Variants in CCNJ observed in about 807,000 individuals in gnomAD.
The protein encoded by CCNJ is cyclin-J.
In CCNJ, 12 loss-of-function variants were observed where a neutral mutation model predicts 41.4. The observed-to-expected ratio is 0.29, with a 90% CI of 0.19 to 0.47. The LOEUF (loss-of-function observed/expected upper bound fraction) is 0.47, where lower values mean the gene tolerates loss of function less well. Ranked by LOEUF, CCNJ falls within the 20% of genes least tolerant of loss-of-function variation. The pLI, the probability that CCNJ is intolerant of heterozygous loss-of-function variation, is 1.00. For missense variants in CCNJ, 340 were observed against 464.6 expected (o/e 0.73, Z 2.47); for synonymous variants, 161 against 173.4 (o/e 0.93, Z 0.56).
rs2142074112 is a variant in CCNJ, at chr10:96,058,432, T to C, written c.*191T>C. On this transcript the variant is annotated 3_prime_UTR_variant, in exon 6 of 6. Coordinates refer to ENST00000465148, the MANE Select transcript of CCNJ (RefSeq NM_001134375.2). The stretch of plus-strand genomic sequence containing the variant: ...TGGGAGACTAAGCAAATTAACAGTA[T>C]GTCAAATTCTGTTACAACAAATCCC... 2 of 549,592 alleles carry C rather than the reference T, an allele frequency of 3.6e-6. No individual in the cohort carries two copies. The highest frequency in any genetic ancestry group is 5.5e-5 in the South Asian group (2 of 36,656). The allele number at this position is 549,592 out of a possible 1,614,324, so 34.0% of individuals were successfully genotyped here. A position where few individuals can be genotyped will look rare whatever the true frequency, so the allele number is the denominator to read the frequency against.
At position 96,050,477 on chromosome 10, in the gene CCNJ, A is replaced by C; in HGVS notation, c.280+11A>C. 6.3e-7 allele frequency: 1 copy of C among 1,596,942 alleles called. No homozygotes were observed. The highest frequency in any genetic ancestry group is 1.1e-5 in the South Asian group (1 of 90,726). ...GCCTGCTTCTAGCAAGTAAGTATGA[A>C]TCTGATTTACATGACTGGAAATTTC... On this transcript the variant is annotated intron_variant, in intron 3 of 5. Coordinates refer to ENST00000465148, the MANE Select transcript of CCNJ (RefSeq NM_001134375.2).
chr10:96,057,942 T>C lies in CCNJ; in HGVS notation c.853T>C (p.Phe285Leu). 2.5e-6 allele frequency: 4 copies of C among 1,614,228 alleles called. No homozygotes were observed. The highest frequency in any genetic ancestry group is 3.4e-6 in the Non-Finnish European group (4 of 1,180,032). ...TASQPSRPVH[F>L]QQPQYLHQTH... Reference sequence around the variant, plus strand: ...CTCCCAGCCATCACGGCCAGTTCACTTTCAGCAACCTCAGTATCTCCATCA... The same window carrying C: ...CTCCCAGCCATCACGGCCAGTTCACCTTCAGCAACCTCAGTATCTCCATCA... The change falls in exon 6 of 6, where the codon TTT becomes CTT. Residue 285 changes from phenylalanine (F) to leucine (L), a missense_variant. By Grantham distance (22) the Phe-to-Leu change is conservative (BLOSUM62 0). Around this residue, in one of 3 missense-constraint regions of CCNJ, gnomAD observed 159 missense variants for 168.2 expected, o/e 0.95. Transcript: ENST00000465148.
rs1294682947 is a variant in CCNJ at position 96,057,879 on chromosome 10, G to A, written c.790G>A (p.Gly264Arg). 1.2e-6 allele frequency: 2 copies of A among 1,614,044 alleles called. No individual in the cohort carries two copies. Residue 264 changes from glycine (G) to arginine (R), a missense_variant, in exon 6 of 6, where the codon GGA (glycine) becomes AGA (arginine). Gly to Arg is a moderately radical substitution (Grantham distance 125, BLOSUM62 -2). This residue lies in a region of CCNJ where 159 missense variants were observed against 168.2 expected (regional missense o/e 0.95). Transcript: ENST00000465148. ...KEANKQRGQA[G>R]PQSAQLSVFQ... is the part of the protein sequence containing the mutation. Reference sequence around the variant, plus strand: ...AGCAAACAAACAGAGAGGGCAAGCAGGACCTCAGTCAGCGCAACTAAGTGT... The same window carrying A: ...AGCAAACAAACAGAGAGGGCAAGCAAGACCTCAGTCAGCGCAACTAAGTGT...
Position 96,043,732 on chromosome 10 carries a change from G to C in CCNJ, c.-42+13G>C, listed in dbSNP as rs2080276633. ...GCCGCGGTTCCGGGTAAGGGAGCCAGCGTGGGGCCGGGCGGCCCGGCAGGC... is the reference window on the plus strand; with the variant it reads ...GCCGCGGTTCCGGGTAAGGGAGCCACCGTGGGGCCGGGCGGCCCGGCAGGC... On this transcript the variant is annotated intron_variant, in intron 1 of 5. Coordinates refer to ENST00000465148, the MANE Select transcript of CCNJ (RefSeq NM_001134375.2). 7.7e-6 allele frequency: 3 copies of C among 390,814 alleles called. No homozygotes were observed. In the East Asian group the frequency reaches 1.1e-4, roughly 14 times the overall value. The allele number at this position is 390,814 out of a possible 1,614,324, so 24.2% of individuals were successfully genotyped here.
In CCNJ at chr10:96,057,844, A is replaced by C; in HGVS notation, c.755A>C (p.Asp252Ala). Residue 252 changes from aspartate (D) to alanine (A), a missense_variant, in exon 6 of 6, where the codon GAT becomes GCT. Transcript: ENST00000465148. ...IERLLIAHDNDVKEANKQRGQ... is the reference protein window; with the variant it reads ...IERLLIAHDNAVKEANKQRGQ... ...CCACGTTTCAGCGCTCATGATAATG[A>C]TGTGAAAGAAGCAAACAAACAGAGA... 2 of 1,613,866 alleles carry C rather than the reference A, an allele frequency of 1.2e-6. No individual in the cohort carries two copies. The highest frequency in any genetic ancestry group is 1.7e-6 in the Non-Finnish European group (2 of 1,179,856).
intron 2 of CCNJ, among the ~76,000 whole-genome samples, chr10:96,047,618 A>G (rs2142032634): frequency 6.6e-6 from 1 of 152,334 alleles, no homozygotes; most frequent in Non-Finnish European, 1.5e-5. Context: ...AGCCTGGGCT[A>G]CAGGAAACCC....
intron 2 of CCNJ, among the ~76,000 whole-genome samples, chr10:96,045,166 A>G (rs906366117): frequency 1.3e-5 from 2 of 152,208 alleles, no homozygotes; most frequent in African/African-American, 4.8e-5. Context: ...TTCCAACACA[A>G]AGCAAAGTCT....
Position 96,043,610 on chromosome 10 carries a change from G to T in CCNJ, c.-151G>T. The T allele has an allele frequency of 2.5e-6, 1 of 395,306 alleles. No individual in the cohort carries two copies. The highest frequency in any genetic ancestry group is 4.5e-6 in the Non-Finnish European group (1 of 223,842). 24.5% of individuals were successfully genotyped at this position (395,306 alleles called of 1,614,324 possible). Reference sequence around the variant, plus strand: ...CAATGGGCGGCGCGAGCGTCCAGGCGCTGGGCTCTAGCTGAGGCCGGCGCT... The same window carrying T: ...CAATGGGCGGCGCGAGCGTCCAGGCTCTGGGCTCTAGCTGAGGCCGGCGCT... On this transcript the variant is annotated 5_prime_UTR_variant, in exon 1 of 6. Coordinates refer to ENST00000465148, the MANE Select transcript of CCNJ (RefSeq NM_001134375.2).
At position 96,043,667 on chromosome 10, in the gene CCNJ, C is replaced by G. The variant is rs2080274683; in HGVS notation, c.-94C>G. On this transcript the variant is annotated 5_prime_UTR_variant, in exon 1 of 6. Coordinates refer to ENST00000465148, the MANE Select transcript of CCNJ (RefSeq NM_001134375.2). ...CCCACTGTCCGCAGCATGAGCGGGG[C>G]CGGCGTCCGCCGCACGACGGCGGGG... 5.1e-6 allele frequency: 2 copies of G among 394,346 alleles called. No individual in the cohort carries two copies. Among genetic ancestry groups the G allele is most frequent in the Admixed American group, 4.4e-5 (1 of 22,548 alleles). 24.4% of individuals were successfully genotyped at this position (394,346 alleles called of 1,614,324 possible). A position where few individuals can be genotyped will look rare whatever the true frequency, so the allele number is the denominator to read the frequency against.
In CCNJ at chr10:96,060,260, A is replaced by G. The variant is rs2080788470; in HGVS notation, c.*2019A>G. On this transcript the variant is annotated 3_prime_UTR_variant, in exon 6 of 6. Transcript: ENST00000465148. ...GTAAGATATTGGGATAGAGATCCCA[A>G]CTTGAAACAACAGCCAGTGCCTGTG... is the stretch of plus-strand genomic sequence containing the variant. 6.6e-6 allele frequency: 1 copy of G among 152,654 alleles called. No individual in the cohort carries two copies. The highest frequency in any genetic ancestry group is 6.5e-5 in the Admixed American group (1 of 15,282). 9.5% of individuals were successfully genotyped at this position (152,654 alleles called of 1,614,324 possible).
intron 3 of CCNJ, among the ~76,000 whole-genome samples, chr10:96,054,820 A>G (rs1421112350): frequency 6.6e-6 from 1 of 152,202 alleles, no homozygotes; most frequent in South Asian, 2.1e-4. Flanking sequence ...TCCTTGAATT[A>G]TGATGTATTA....
intron 2 of CCNJ, among the ~76,000 whole-genome samples, chr10:96,048,399 C>G (rs918421999): frequency 1.3e-5 from 2 of 152,166 alleles, no homozygotes; most frequent in Non-Finnish European, 2.9e-5. Context: ...ACACTCCCAC[C>G]AACAGTGTAA....
chr10:96,058,090 CTA>C lies in CCNJ; in HGVS notation c.1002_1003del (p.Ser335CysfsTer22), dbSNP rs887903398. On this transcript the variant is annotated frameshift_variant, in exon 6 of 6. Coordinates refer to ENST00000465148, the MANE Select transcript of CCNJ (RefSeq NM_001134375.2). LOFTEE classifies it high-confidence loss of function. The stretch of plus-strand genomic sequence containing the variant: ...CAGACATGTCCTGCTGGCTTCCAAA[CTA>C]GTGTTCAGGGCCTTGGGCACATGCA... 6.8e-6 allele frequency: 11 copies of C among 1,614,200 alleles called. No homozygotes were observed. The highest frequency in any genetic ancestry group is 1.1e-5 in the South Asian group (1 of 91,090).
intron 2 of CCNJ, among the ~76,000 whole-genome samples, chr10:96,049,829 T>C (rs1166268061): frequency 6.6e-6 from 1 of 152,194 alleles, no homozygotes; most frequent in Non-Finnish European, 1.5e-5. Context: ...GCAAGTATAA[T>C]ACTGTATGCA....
At chr10:96,053,386 G>A (rs2142054846) in intron 3 of CCNJ, among the ~76,000 whole-genome samples, 1 of 152,294 alleles carries the variant, frequency 6.6e-6, no homozygotes, top group East Asian at 1.9e-4. Flanking sequence ...AAGCATGTAG[G>A]AAATGGAAAC....
intron 2 of CCNJ, 52 bp from the exon 3 acceptor site, chr10:96,050,204 T>G: frequency 8.6e-7 from 1 of 1,169,392 alleles, no homozygotes. Flanking sequence ...CATTGCCTTG[T>G]GGGGATACGC....
rs11188572 is a variant in CCNJ at position 96,045,398 on chromosome 10, T to A, written c.69+936T>A. Reference sequence around the variant, plus strand: ...ATAAAAAGGATTCTGACTCTTGGGGTTGAGATCCTGGAATGATAATGAACT... The same window carrying A: ...ATAAAAAGGATTCTGACTCTTGGGGATGAGATCCTGGAATGATAATGAACT... On this transcript the variant is annotated intron_variant, in intron 2 of 5. Transcript: ENST00000465148. Among the ~76,000 whole-genome samples the A allele has an allele frequency of 0.036, 5,448 of 152,290 alleles. 769 individuals are homozygous for A. The East Asian group carries it at 0.49, about 14-fold the overall frequency.
At chr10:96,047,782 C>T (rs2080405725) in intron 2 of CCNJ, among the ~76,000 whole-genome samples, 1 of 151,942 alleles carries the variant, frequency 6.6e-6, no homozygotes, top group South Asian at 2.1e-4. Flanking sequence ...AACTTTTTTT[C>T]CCCAACTTTT....
chr10:96,056,412 TTG>T lies in CCNJ; in HGVS notation c.281-288_281-287del, dbSNP rs372530621. On this transcript the variant is annotated intron_variant, in intron 3 of 5. Transcript: ENST00000465148. ...TCCTGAAAATATTCAGCTGATGAGA[TTG>T]AGTTATTTTTTTCACTGGCACATGA... 7.5e-4 allele frequency among the ~76,000 whole-genome samples: 114 copies of T among 152,220 alleles called. No homozygotes were observed. In the East Asian group the frequency reaches 0.018, roughly 23 times the overall value.
Sources: gnomAD v4.1 joint callset for allele counts (sites outside exome capture counted in the v4.1 genomes callset) on GRCh38, gnomAD v4.1.1 for gene constraint, gnomAD v4.1.1 regional missense constraint, MANE v1.5 for transcripts, NCBI Gene and HGNC (gene_info 2026-07-23, HGNC 2026-07-21) for gene names.